HDAC9: variants seen among roughly 807,000 people sequenced by gnomAD.
The protein encoded by HDAC9 is MEF-2 interacting transcription repressor (MITR) protein.
A neutral mutation model predicts 139.4 loss-of-function variants in HDAC9; 41 were observed. That is an observed-to-expected ratio of 0.29 (90% CI 0.23 to 0.38). The LOEUF is 0.38. HDAC9 is among the 10% of genes least tolerant of loss of function. The probability of loss-of-function intolerance (pLI) is 1.00; values close to 1 mark genes in which losing one functional copy is unlikely to be tolerated. For missense variants in HDAC9, 1,147 were observed against 1,297.0 expected (o/e 0.88, Z 1.78); for synonymous variants, 517 against 476.2 (o/e 1.09, Z -1.12).
At chr7:18,281,281 C>T (rs1387003255) in intron 2 of HDAC9, among the ~76,000 whole-genome samples, 2 of 152,156 alleles carry the variant, frequency 1.3e-5, no homozygotes, top group African/African-American at 4.8e-5. Flanking sequence ...TATTAGTGAG[C>T]ATCAAAACTA....
chr7:18,277,466 G>A (rs1478723034), intron 2 of HDAC9, among the ~76,000 whole-genome samples: 2 of 152,212 alleles, frequency 1.3e-5, no homozygotes, highest in African/African-American at 2.4e-5. Flanking sequence ...TGTACCTGGA[G>A]TAGTAGGTGT....
intron 17 of HDAC9, among the ~76,000 whole-genome samples, chr7:18,824,090 C>CAAGAAGAAGAAGAAGAAG (rs796695519): frequency 1.6e-5 from 2 of 123,074 alleles, no homozygotes; most frequent in African/African-American, 6.0e-5. Context: ...AGAAGAAGAA[C>CAAGAAGAAGAAGAAGAAG]AAGAACAAGA....
chr7:18,168,518 T>A (rs1788154557), intron 2 of HDAC9, among the ~76,000 whole-genome samples: 1 of 152,162 alleles, frequency 6.6e-6, no homozygotes, highest in Non-Finnish European at 1.5e-5. Flanking sequence ...GATTTTTTTG[T>A]CTGTATAGAT....
chr7:18,574,431 G>A (rs1315669776), intron 2 of HDAC9, among the ~76,000 whole-genome samples: 2 of 152,202 alleles, frequency 1.3e-5, no homozygotes, highest in African/African-American at 4.8e-5. Flanking sequence ...GTCCATGGAC[G>A]GCCATGGGTG....
chr7:18,302,931 A>T (rs937901278), intron 1 of HDAC9, among the ~76,000 whole-genome samples: 2 of 152,154 alleles, frequency 1.3e-5, no homozygotes, highest in Non-Finnish European at 2.9e-5. Context: ...TAATCATCTC[A>T]GTTAAGTAAC....
intron 2 of HDAC9, among the ~76,000 whole-genome samples, chr7:18,232,761 A>G (rs138998065): frequency 6.6e-6 from 1 of 152,322 alleles, no homozygotes; most frequent in African/African-American, 2.4e-5. Flanking sequence ...TTGACCCCAA[A>G]TACTGTAGAG....
rs932602161 is a variant in HDAC9 at position 18,714,944 on chromosome 7, A to G, written c.1732-12636A>G. Among the ~76,000 whole-genome samples the G allele has an allele frequency of 5.3e-5, 8 of 152,248 alleles. No homozygotes were observed. The East Asian group carries it at 1.2e-3, about 22-fold the overall frequency. ...GAATGAGTTCCATGAAAGCCAAGAAATAATTACAAAAGTGTTTTAAATTAT... is the reference window on the plus strand; with the variant it reads ...GAATGAGTTCCATGAAAGCCAAGAAGTAATTACAAAAGTGTTTTAAATTAT... On this transcript the variant is annotated intron_variant, in intron 12 of 25. Transcript: ENST00000686413.
At position 18,835,526 on chromosome 7, in the gene HDAC9, C is replaced by T. The variant is rs773903816; in HGVS notation, c.2526C>T (p.Tyr842=). The T allele has an allele frequency of 1.2e-6, 2 of 1,613,700 alleles. No homozygotes were observed. The highest frequency in any genetic ancestry group is 1.7e-6 in the Non-Finnish European group (2 of 1,179,646). The change falls in exon 20 of 26, where the codon TAC becomes TAT. Residue 842 remains tyrosine (Y), a synonymous_variant. Transcript: ENST00000686413. The part of the protein sequence containing the change: ...QAFYADPSIL[Y]ISLHRYDEGN... ...TTTATGCTGACCCCAGCATCCTGTA[C>T]ATTTCACTCCATCGCTATGATGAAG...
chr7:18,520,543 A>G (rs1303883334), intron 2 of HDAC9, among the ~76,000 whole-genome samples: 1 of 152,168 alleles, frequency 6.6e-6, no homozygotes, highest in Non-Finnish European at 1.5e-5. Context: ...CTTTTTTATC[A>G]AATGTTTCTG....
chr7:18,845,415 T>A (rs1216905724), intron 21 of HDAC9, among the ~76,000 whole-genome samples: 1 of 152,150 alleles, frequency 6.6e-6, no homozygotes, highest in East Asian at 1.9e-4. Context: ...TGGCCCAATT[T>A]AAAATTTTGT....
chr7:18,830,652 C>T (rs866226695), intron 19 of HDAC9, among the ~76,000 whole-genome samples: 4 of 152,130 alleles, frequency 2.6e-5, no homozygotes, highest in Admixed American at 6.5e-5. Flanking sequence ...AATGGAAGAA[C>T]GATACCCATT....
intron 7 of HDAC9, among the ~76,000 whole-genome samples, chr7:18,633,736 G>A (rs1316892194): frequency 6.6e-6 from 1 of 151,898 alleles, no homozygotes; most frequent in Admixed American, 6.6e-5. Context: ...AAGGTGGTAG[G>A]GAATTAATTA....
intron 1 of HDAC9, among the ~76,000 whole-genome samples, chr7:18,452,705 G>A (rs142354765): frequency 1.2e-3 from 189 of 152,224 alleles, no homozygotes; most frequent in African/African-American, 4.3e-3. Flanking sequence ...TAGTGAATAA[G>A]TCTTACAAGA....
In HDAC9 at chr7:18,644,761, T is replaced by C. The variant is rs780784710; in HGVS notation, c.1003T>C (p.Leu335=). Residue 335 remains leucine, a synonymous_variant, in exon 9 of 26, where the codon TTG becomes CTG. Transcript: ENST00000686413. ...CTCTCCTTCTTTGCCCAACATTACCTTGGGGCTTCCCGCAGTGCCATCCCA... is the reference window on the plus strand; with the variant it reads ...CTCTCCTTCTTTGCCCAACATTACCCTGGGGCTTCCCGCAGTGCCATCCCA... The part of the protein sequence containing the change: ...YTSPSLPNIT[L]GLPAVPSQLN... 1 of 1,612,116 alleles carries C rather than the reference T, an allele frequency of 6.2e-7. No homozygotes were observed. Among genetic ancestry groups the C allele is most frequent in the South Asian group, 1.1e-5 (1 of 90,904 alleles).
intron 24 of HDAC9, among the ~76,000 whole-genome samples, chr7:18,960,565 AG>A: frequency 6.6e-6 from 1 of 152,158 alleles, no homozygotes; most frequent in South Asian, 2.1e-4. Flanking sequence ...GATAACTCAT[AG>A]GTAAAATAAA....
In HDAC9 at chr7:18,660,327, C is replaced by CT. The variant is rs545856976; in HGVS notation, c.1468-5880dup. Among the ~76,000 whole-genome samples the CT allele has an allele frequency of 1.2e-4, 18 of 152,156 alleles. No individual in the cohort carries two copies. The East Asian group carries it at 2.1e-3, about 18-fold the overall frequency. On this transcript the variant is annotated intron_variant, in intron 11 of 25. Transcript: ENST00000686413. ...CACTGGCACCGGATGTCCCATTTGT[C>CT]TTTTTTGTATTTTGTGAATCTTTAC...
intron 1 of HDAC9, among the ~76,000 whole-genome samples, chr7:18,462,295 C>T (rs564662820): frequency 1.3e-5 from 2 of 152,000 alleles, no homozygotes; most frequent in Non-Finnish European, 2.9e-5. Context: ...TGGTTCTCAT[C>T]CACTCTTCAT....
chr7:18,162,352 C>T, intron 2 of HDAC9: 1 of 1,534,736 alleles, frequency 6.5e-7, no homozygotes, highest in East Asian at 2.4e-5. Context: ...ACAGCCTGGT[C>T]AGTCTGGTTG....
chr7:18,445,082 A>G (rs917896548), intron 1 of HDAC9, among the ~76,000 whole-genome samples: 1 of 152,164 alleles, frequency 6.6e-6, no homozygotes, highest in Non-Finnish European at 1.5e-5. Flanking sequence ...TGTCTTATAG[A>G]AAGGCAGGAG....
Sources: allele counts gnomAD v4.1 joint callset (sites outside exome capture counted in the v4.1 genomes callset), GRCh38; gene constraint gnomAD v4.1.1; transcripts MANE v1.5; gene names NCBI Gene and HGNC (gene_info 2026-07-23, HGNC 2026-07-21).